Variants in ARHGAP15 observed in about 807,000 individuals in gnomAD.
ARHGAP15 encodes Rho GTPase activating protein 15.
ARHGAP15 carries 51 observed loss-of-function variants against 63.7 expected under a neutral mutation model. That is an observed-to-expected ratio of 0.80 (90% CI 0.64 to 1.01). ARHGAP15 has a LOEUF of 1.01. Ranked by LOEUF, ARHGAP15 falls within the 50% of genes least tolerant of loss-of-function variation. The probability of loss-of-function intolerance (pLI) is 0.00; values close to 1 mark genes in which losing one functional copy is unlikely to be tolerated. For missense variants in ARHGAP15, 560 were observed against 564.6 expected, an observed-to-expected ratio of 0.99 and a Z score of 0.08; for synonymous variants, 191 against 193.8, an observed-to-expected ratio of 0.99 and a Z score of 0.12.
chr2:143,475,672 C>T (rs1186300902), intron 8 of ARHGAP15, among the ~76,000 whole-genome samples: 1 of 152,176 alleles, frequency 6.6e-6, no homozygotes, highest in African/African-American at 2.4e-5. Context: ...GTAAGAAGGC[C>T]ATGGCAAAGG....
chr2:143,250,657 T>C (rs1258220636), intron 6 of ARHGAP15, 57 bp downstream of exon 6: 9 of 1,437,938 alleles, frequency 6.3e-6, no homozygotes, highest in Non-Finnish European at 8.7e-6. Flanking sequence ...TGAGCTCTCT[T>C]GGGTAACTAA....
intron 2 of ARHGAP15, among the ~76,000 whole-genome samples, chr2:143,197,635 A>T (rs1326011051): frequency 2.6e-5 from 4 of 152,002 alleles, no homozygotes; most frequent in Non-Finnish European, 5.9e-5. Flanking sequence ...ACATAATCTG[A>T]TTTGGAGTGA....
intron 6 of ARHGAP15, among the ~76,000 whole-genome samples, chr2:143,382,778 G>T (rs542940944): frequency 2.4e-3 from 371 of 152,268 alleles, no homozygotes; most frequent in African/African-American, 8.2e-3. Flanking sequence ...CTGCTGTCTT[G>T]TCTGCGACTT....
intron 8 of ARHGAP15, among the ~76,000 whole-genome samples, chr2:143,447,831 A>C: frequency 6.6e-6 from 1 of 152,188 alleles, no homozygotes; most frequent in East Asian, 1.9e-4. Flanking sequence ...AAACCCTTAC[A>C]GATTTTATGC....
intron 10 of ARHGAP15, among the ~76,000 whole-genome samples, chr2:143,550,034 T>C (rs1257508340): frequency 1.3e-5 from 2 of 152,142 alleles, no homozygotes; most frequent in Non-Finnish European, 2.9e-5. Context: ...AGAGAGATAA[T>C]AGAGGGAAAA....
intron 6 of ARHGAP15, among the ~76,000 whole-genome samples, chr2:143,329,273 CT>C (rs1684395632): frequency 6.6e-6 from 1 of 152,298 alleles, no homozygotes; most frequent in East Asian, 1.9e-4. Context: ...CCCAAAGCAG[CT>C]GAATTTACTC....
chr2:143,718,621 C>T (rs570605943), intron 13 of ARHGAP15, among the ~76,000 whole-genome samples: 64 of 152,278 alleles, frequency 4.2e-4, no homozygotes, highest in Non-Finnish European at 7.4e-4. Context: ...ATATCCTACC[C>T]ATATTCTTTT....
intron 2 of ARHGAP15, among the ~76,000 whole-genome samples, chr2:143,192,669 T>G (rs1170192824): frequency 6.6e-6 from 1 of 152,238 alleles, no homozygotes; most frequent in Non-Finnish European, 1.5e-5. Context: ...TGTTTCTTTT[T>G]CTTTCCATTA....
At chr2:143,584,523 G>A (rs995373391) in intron 11 of ARHGAP15, among the ~76,000 whole-genome samples, 1 of 152,012 alleles carries the variant, frequency 6.6e-6, no homozygotes, top group Admixed American at 6.6e-5. Flanking sequence ...CTACTAGGGA[G>A]GCTGAGACAA....
intron 5 of ARHGAP15, among the ~76,000 whole-genome samples, chr2:143,239,526 C>G (rs1444276923): frequency 6.6e-6 from 1 of 152,054 alleles, no homozygotes; most frequent in South Asian, 2.1e-4. Context: ...AAAAATTTTA[C>G]TTTTAATAAC....
intron 6 of ARHGAP15, among the ~76,000 whole-genome samples, chr2:143,386,034 A>G (rs988627752): frequency 3.3e-5 from 5 of 152,116 alleles, no homozygotes; most frequent in African/African-American, 1.2e-4. Flanking sequence ...AACTCTAATC[A>G]TTGTCATAGT....
intron 4 of ARHGAP15, among the ~76,000 whole-genome samples, chr2:143,222,134 T>A: frequency 6.6e-6 from 1 of 152,208 alleles, no homozygotes; most frequent in Non-Finnish European, 1.5e-5. Context: ...CTTTTAGCAG[T>A]CATAAATTAC....
chr2:143,588,949 A>C (rs1428747177), intron 11 of ARHGAP15, among the ~76,000 whole-genome samples: 3 of 152,110 alleles, frequency 2.0e-5, no homozygotes, highest in Admixed American at 2.0e-4. Context: ...CTGATTCAAG[A>C]CATTGGGTCA....
chr2:143,300,777 A>G (rs115236014), intron 6 of ARHGAP15, among the ~76,000 whole-genome samples: 12 of 152,176 alleles, frequency 7.9e-5, no homozygotes, highest in African/African-American at 2.9e-4. Flanking sequence ...TCCAAATGCA[A>G]GGCAGGCTGG....
At chr2:143,197,518 G>A (rs2105103205) in intron 2 of ARHGAP15, among the ~76,000 whole-genome samples, 1 of 151,768 alleles carries the variant, frequency 6.6e-6, no homozygotes, top group East Asian at 1.9e-4. Context: ...TTTCAATTAA[G>A]TATATTATGT....
intron 6 of ARHGAP15, among the ~76,000 whole-genome samples, chr2:143,357,527 G>C (rs372366296): frequency 4.6e-5 from 7 of 152,198 alleles, no homozygotes; most frequent in East Asian, 3.9e-4. Context: ...CCTCTTTAAT[G>C]CTTGGTTCTT....
intron 8 of ARHGAP15, among the ~76,000 whole-genome samples, chr2:143,439,724 A>G (rs959541242): frequency 1.3e-5 from 2 of 152,060 alleles, no homozygotes; most frequent in Non-Finnish European, 2.9e-5. Context: ...TTATGGAGAC[A>G]TGTTTCAAAC....
chr2:143,471,255 CAT>C (rs200728365), intron 8 of ARHGAP15, among the ~76,000 whole-genome samples: 50 of 148,924 alleles, frequency 3.4e-4, no homozygotes, highest in East Asian at 6.0e-4. Context: ...TATATACACA[CAT>C]ATATATATAC....
chr2:143,659,935 A>G (rs1384692370), intron 12 of ARHGAP15, among the ~76,000 whole-genome samples: 2 of 152,000 alleles, frequency 1.3e-5, no homozygotes, highest in Non-Finnish European at 2.9e-5. Context: ...GTGGGTGTTC[A>G]TCTTAAGGAA....
Sources: gnomAD v4.1 joint callset for allele counts (sites outside exome capture counted in the v4.1 genomes callset) on GRCh38, gnomAD v4.1.1 for gene constraint, MANE v1.5 for transcripts, NCBI Gene and HGNC (gene_info 2026-07-23, HGNC 2026-07-21) for gene names.